The following THRB variants were observed in gnomAD, a reference collection of about 807,000 sequenced individuals.
THRB encodes the protein thyroid hormone receptor beta, also known as nuclear receptor subfamily 1 group A member 2.
THRB carries 12 observed loss-of-function variants against 47.8 expected under a neutral mutation model. The ratio of observed to expected loss-of-function variants is 0.25; its 90% CI spans 0.16 to 0.41. THRB has a LOEUF of 0.41. THRB is among the 10% of genes least tolerant of loss of function. The pLI is 1.00. For missense variants in THRB, 348 were observed against 589.2 expected, an observed-to-expected ratio of 0.59 and a Z score of 4.24; for synonymous variants, 218 against 212.2, an observed-to-expected ratio of 1.03 and a Z score of -0.24.
At chr3:24,167,775 G>C (rs1263311672) in intron 5 of THRB, among the ~76,000 whole-genome samples, 1 of 152,010 alleles carries the variant, frequency 6.6e-6, no homozygotes, top group Middle Eastern at 3.2e-3. Context: ...CTTTTCATCA[G>C]TAACAATATC....
At chr3:24,172,465 C>T (rs1422584801) in intron 5 of THRB, among the ~76,000 whole-genome samples, 1 of 152,014 alleles carries the variant, frequency 6.6e-6, no homozygotes, top group Non-Finnish European at 1.5e-5. Context: ...ATATTGTTAA[C>T]TGAATTTGTT....
At chr3:24,478,171 T>G (rs1369481191) in intron 1 of THRB, among the ~76,000 whole-genome samples, 1 of 152,174 alleles carries the variant, frequency 6.6e-6, no homozygotes, top group African/African-American at 2.4e-5. Context: ...TGTAACTGTT[T>G]CTGGTACAAT....
At chr3:24,300,081 C>T (rs1057154622) in intron 2 of THRB, among the ~76,000 whole-genome samples, 1 of 152,018 alleles carries the variant, frequency 6.6e-6, no homozygotes, top group Admixed American at 6.6e-5. Context: ...TTTCCCTATG[C>T]CTGAGGGAGG....
At position 24,119,659 on chromosome 3, in the gene THRB, G is replaced by C. The variant is rs2031295235; in HGVS notation, c.*3225C>G. On this transcript the variant is annotated 3_prime_UTR_variant, in exon 11 of 11. Transcript: ENST00000646209. ...GGCCTGCACTGCACACTGAAGAGCT[G>C]TCGCCCGGGGCACAGGTGAGGGGCT... 1 of 152,262 alleles carries C rather than the reference G, an allele frequency of 6.6e-6. No homozygotes were observed. 9.4% of individuals were successfully genotyped at this position (152,262 alleles called of 1,614,324 possible).
Position 24,128,863 on chromosome 3 carries a change from C to CTTTTTTTTTTTTTTT in THRB, c.886-1121_886-1107dup, listed in dbSNP as rs57890674. ...GCCAAGAGAAGAAGGAAACATAACT[C>CTTTTTTTTTTTTTTT]TTTTTTTTTTTTTTTTTTTTTTTTT... is the stretch of plus-strand genomic sequence containing the variant. On this transcript the variant is annotated intron_variant, in intron 9 of 10. Transcript: ENST00000646209. Among the ~76,000 whole-genome samples the CTTTTTTTTTTTTTTT allele has an allele frequency of 2.2e-3, 194 of 87,044 alleles. 30 individuals are homozygous for CTTTTTTTTTTTTTTT. Among genetic ancestry groups the CTTTTTTTTTTTTTTT allele is most frequent in the East Asian group, 3.6e-3 (6 of 1,688 alleles). 57.1% of individuals were successfully genotyped at this position (87,044 alleles called of 152,430 possible).
intron 3 of THRB, among the ~76,000 whole-genome samples, chr3:24,233,595 G>GAAAGAAAGAAAT (rs1418899087): frequency 1.4e-5 from 2 of 143,854 alleles, no homozygotes; most frequent in African/African-American, 5.2e-5. Context: ...AAGAAAGAAA[G>GAAAGAAAGAAAT]AAAGAAAGAA....
At chr3:24,291,395 A>G (rs150454517) in intron 3 of THRB, among the ~76,000 whole-genome samples, 558 of 152,304 alleles carry the variant, frequency 3.7e-3, no homozygotes, top group Non-Finnish European at 6.2e-3. Flanking sequence ...TTCTGTGCGC[A>G]CATGAGTTAT....
chr3:24,407,165 G>T (rs73825637), intron 1 of THRB, among the ~76,000 whole-genome samples: 3 of 151,784 alleles, frequency 2.0e-5, no homozygotes, highest in African/African-American at 7.2e-5. Flanking sequence ...TATGAAAAAC[G>T]TGTCCTCTAG....
chr3:24,263,703 T>C (rs2052334888), intron 3 of THRB, among the ~76,000 whole-genome samples: 1 of 151,808 alleles, frequency 6.6e-6, no homozygotes, highest in African/African-American at 2.4e-5. Context: ...ATAGAATAGA[T>C]ACTTGCTGAC....
At chr3:24,395,410 T>A (rs1025647482) in intron 1 of THRB, among the ~76,000 whole-genome samples, 1 of 152,070 alleles carries the variant, frequency 6.6e-6, no homozygotes, top group Non-Finnish European at 1.5e-5. Context: ...AGGACTATTA[T>A]AACTCAATAA....
In THRB at chr3:24,337,377, A is replaced by T. The variant is rs2062326690; in HGVS notation, c.-260-6T>A. The stretch of plus-strand genomic sequence containing the variant: ...ACCAGAAGGAAATCGCAGATCTGGA[A>T]AAAAGGAAACACAGAAGATAAATAT... On this transcript the variant is annotated splice_polypyrimidine_tract_variant and splice_region_variant and intron_variant, in intron 1 of 10. Coordinates refer to ENST00000646209, the MANE Select transcript of THRB (RefSeq NM_001354712.2). 1 of 152,248 alleles carries T rather than the reference A, an allele frequency of 6.6e-6. No homozygotes were observed. Among genetic ancestry groups the T allele is most frequent in the Admixed American group, 6.5e-5 (1 of 15,292 alleles). The allele number at this position is 152,248 out of a possible 1,614,324, so 9.4% of individuals were successfully genotyped here.
chr3:24,438,506 GGTGT>G lies in THRB; in HGVS notation c.-261+56142_-261+56145del, dbSNP rs145050133. ...ATGCCATTGTCAGAGAGAACAAAAA[GGTGT>G]GTGTGTGTGTGTGTGTGTGTGTGTG... On this transcript the variant is annotated intron_variant, in intron 1 of 10. Transcript: ENST00000646209. Among the ~76,000 whole-genome samples, 927 of 145,962 alleles carry G rather than the reference GGTGT, an allele frequency of 6.4e-3. 3 individuals carry two copies. Among genetic ancestry groups the G allele is most frequent in the African/African-American group, 0.02 (786 of 39,904 alleles).
At chr3:24,215,404 A>T (rs2046455084) in intron 4 of THRB, among the ~76,000 whole-genome samples, 1 of 152,244 alleles carries the variant, frequency 6.6e-6, no homozygotes, top group Non-Finnish European at 1.5e-5. Context: ...ACCCAAGGAC[A>T]CATGACGCCA....
At chr3:24,350,639 G>T (rs1373814252) in intron 1 of THRB, among the ~76,000 whole-genome samples, 1 of 152,160 alleles carries the variant, frequency 6.6e-6, no homozygotes, top group Non-Finnish European at 1.5e-5. Context: ...AGGGAGTTCA[G>T]TCTCTCCTTT....
intron 4 of THRB, among the ~76,000 whole-genome samples, chr3:24,203,461 T>C (rs2044847740): frequency 6.6e-6 from 1 of 152,168 alleles, no homozygotes; most frequent in East Asian, 1.9e-4. Context: ...TTGTCTCATT[T>C]CACCCATGGA....
chr3:24,283,643 TG>T (rs1484200715), intron 3 of THRB, among the ~76,000 whole-genome samples: 14 of 146,616 alleles, frequency 9.5e-5, no homozygotes, highest in African/African-American at 3.4e-4. Context: ...GAAGTCAAAT[TG>T]TCCCTGTTTG....
At chr3:24,273,875 G>A (rs919538640) in intron 3 of THRB, among the ~76,000 whole-genome samples, 4 of 150,362 alleles carry the variant, frequency 2.7e-5, no homozygotes, top group Non-Finnish European at 5.9e-5. Context: ...GGGCCTGTAT[G>A]TATGTATCTT....
chr3:24,160,715 G>T (rs1463729501), intron 5 of THRB, among the ~76,000 whole-genome samples: 5 of 152,206 alleles, frequency 3.3e-5, no homozygotes, highest in African/African-American at 1.2e-4. Flanking sequence ...GGAGCAGAGT[G>T]GGTGGTAGGG....
chr3:24,148,123 G>A (rs11718010), intron 6 of THRB, among the ~76,000 whole-genome samples: 21,863 of 152,086 alleles, frequency 0.14, 1,669 homozygotes, highest in South Asian at 0.2. Context: ...TAAAATGTAA[G>A]AAATTAAAAA....
Sources: gnomAD v4.1 joint callset for allele counts (sites outside exome capture counted in the v4.1 genomes callset) on GRCh38, gnomAD v4.1.1 for gene constraint, MANE v1.5 for transcripts, NCBI Gene and HGNC (gene_info 2026-07-23, HGNC 2026-07-21) for gene names.